LIN7A: variants seen among roughly 807,000 people sequenced by gnomAD.
LIN7A encodes protein lin-7 homolog A.
Under a neutral mutation model 29.8 loss-of-function variants are expected in LIN7A, and 25 were observed. The ratio of observed to expected loss-of-function variants is 0.84; its 90% CI spans 0.61 to 1.17. The LOEUF is 1.17. Among genes scored for constraint, LIN7A ranks in the 50% most tolerant of loss-of-function variants. The pLI, the probability that LIN7A is intolerant of heterozygous loss-of-function variation, is 0.00. For synonymous variants in LIN7A, 118 were observed against 107.5 expected, an observed-to-expected ratio of 1.10 and a Z score of -0.60; for missense variants, 239 against 287.0, an observed-to-expected ratio of 0.83 and a Z score of 1.21.
At chr12:80,907,049 C>A (rs953507368) in intron 1 of LIN7A, among the ~76,000 whole-genome samples, 4 of 72,282 alleles carry the variant, frequency 5.5e-5, no homozygotes, top group Non-Finnish European at 1.6e-4. Flanking sequence ...CCTCAGAGTG[C>A]GTGCTCTGTG....
At chr12:80,888,977 C>T (rs1458770265) in intron 2 of LIN7A, among the ~76,000 whole-genome samples, 1 of 152,078 alleles carries the variant, frequency 6.6e-6, no homozygotes, top group Non-Finnish European at 1.5e-5. Flanking sequence ...CATGTGACCA[C>T]TAAATAGCAT....
intron 2 of LIN7A, among the ~76,000 whole-genome samples, chr12:80,867,468 C>T (rs766312405): frequency 1.2e-4 from 18 of 152,154 alleles, no homozygotes; most frequent in Non-Finnish European, 2.5e-4. Context: ...GGGTATAAAC[C>T]TGAACAAAAT....
At chr12:80,849,977 G>T (rs1164483191) in intron 2 of LIN7A, among the ~76,000 whole-genome samples, 1 of 152,080 alleles carries the variant, frequency 6.6e-6, no homozygotes, top group Non-Finnish European at 1.5e-5. Flanking sequence ...TGCATCCAAG[G>T]ATGTTTATGA....
chr12:80,919,201 T>G (rs1877175807), intron 1 of LIN7A, among the ~76,000 whole-genome samples: 2 of 152,198 alleles, frequency 1.3e-5, no homozygotes, highest in African/African-American at 4.8e-5. Context: ...CAAAAGTGCT[T>G]TCTAAGTCTG....
At chr12:80,914,077 T>G (rs1306749444) in intron 1 of LIN7A, among the ~76,000 whole-genome samples, 1 of 152,156 alleles carries the variant, frequency 6.6e-6, no homozygotes, top group Non-Finnish European at 1.5e-5. Flanking sequence ...TTCCTCATTT[T>G]CACCTCATAT....
intron 4 of LIN7A, among the ~76,000 whole-genome samples, chr12:80,812,068 T>A (rs1871318007): frequency 6.6e-6 from 1 of 152,196 alleles, no homozygotes; most frequent in Non-Finnish European, 1.5e-5. Context: ...TATTAAAATT[T>A]ATTAAGAATC....
At chr12:80,874,192 G>A (rs1295221755) in intron 2 of LIN7A, among the ~76,000 whole-genome samples, 6 of 152,170 alleles carry the variant, frequency 3.9e-5, no homozygotes, top group African/African-American at 1.2e-4. Context: ...ACATGTCACA[G>A]ATTTCTTTTC....
intron 1 of LIN7A, among the ~76,000 whole-genome samples, chr12:80,896,251 T>C (rs1450439237): frequency 1.3e-5 from 2 of 152,124 alleles, no homozygotes; most frequent in African/African-American, 4.8e-5. Context: ...AGCCTACATG[T>C]GGAAGGTCAG....
intron 1 of LIN7A, among the ~76,000 whole-genome samples, chr12:80,921,890 C>A (rs1286029702): frequency 1.3e-5 from 2 of 152,212 alleles, no homozygotes; most frequent in East Asian, 3.8e-4. Flanking sequence ...ATCTGTCAAA[C>A]TCAGCTAAGT....
chr12:80,894,330 A>G (rs1009270919), intron 1 of LIN7A, among the ~76,000 whole-genome samples: 1 of 152,146 alleles, frequency 6.6e-6, no homozygotes, highest in Non-Finnish European at 1.5e-5. Flanking sequence ...GCACAAGGAA[A>G]GCAAGAAGGA....
chr12:80,886,259 A>G (rs1875320816), intron 2 of LIN7A, among the ~76,000 whole-genome samples: 1 of 151,870 alleles, frequency 6.6e-6, no homozygotes, highest in Admixed American at 6.6e-5. Flanking sequence ...AAGAGGAAGT[A>G]TTCTAGGCTC....
intron 2 of LIN7A, among the ~76,000 whole-genome samples, chr12:80,882,361 T>G (rs1592921987): frequency 7.7e-6 from 1 of 130,684 alleles, no homozygotes; most frequent in Admixed American, 7.9e-5. Flanking sequence ...CTCGGCTCAC[T>G]GCAAGCTCCG....
At chr12:80,811,411 G>A (rs1188880063) in intron 5 of LIN7A, 54 bp downstream of exon 5, 2 of 685,170 alleles carry the variant, frequency 2.9e-6, no homozygotes, top group Non-Finnish European at 5.3e-6. Context: ...ATACATATAT[G>A]TGTGTGTGTA....
chr12:80,840,852 T>C (rs1393170727), intron 4 of LIN7A, among the ~76,000 whole-genome samples: 2 of 152,206 alleles, frequency 1.3e-5, no homozygotes, highest in Admixed American at 6.5e-5. Context: ...GGTACTCATA[T>C]TTTGAAATAC....
intron 1 of LIN7A, among the ~76,000 whole-genome samples, chr12:80,918,406 C>G (rs1877129371): frequency 6.6e-6 from 1 of 151,962 alleles, no homozygotes; most frequent in East Asian, 1.9e-4. Context: ...ATATTTAGAT[C>G]CCAAACTAGG....
In LIN7A at chr12:80,841,269, C is replaced by T. The variant is rs568652641; in HGVS notation, c.483+4461G>A. Among the ~76,000 whole-genome samples the T allele has an allele frequency of 1.4e-5, 2 of 146,308 alleles. 1 individual carries two copies. Among genetic ancestry groups the T allele is most frequent in the African/African-American group, 5.1e-5 (2 of 39,442 alleles). Reference sequence around the variant, plus strand: ...TCATACCACTGCACTCCAGCCTGGGCGACAGAGTGAGACCATGAGAAAGAA... The same window carrying T: ...TCATACCACTGCACTCCAGCCTGGGTGACAGAGTGAGACCATGAGAAAGAA... On this transcript the variant is annotated intron_variant, in intron 4 of 5. Coordinates refer to ENST00000552864, the MANE Select transcript of LIN7A (RefSeq NM_004664.4).
intron 1 of LIN7A, among the ~76,000 whole-genome samples, chr12:80,891,457 A>G (rs1163683): frequency 0.68 from 103,500 of 152,078 alleles, 39,170 homozygotes; most frequent in Non-Finnish European, 0.87. Flanking sequence ...GCTATTTCTA[A>G]GACATGCCAC....
intron 2 of LIN7A, among the ~76,000 whole-genome samples, chr12:80,854,686 T>C (rs1426390413): frequency 6.6e-6 from 1 of 152,080 alleles, no homozygotes; most frequent in African/African-American, 2.4e-5. Context: ...AATGATTACA[T>C]GATTGTATGT....
At chr12:80,905,285 G>A (rs1027572511) in intron 1 of LIN7A, among the ~76,000 whole-genome samples, 7 of 151,824 alleles carry the variant, frequency 4.6e-5, no homozygotes, top group South Asian at 2.1e-4. Flanking sequence ...CGCCTCCCAC[G>A]TTCAAGCAAT....
Sources: allele counts gnomAD v4.1 joint callset (sites outside exome capture counted in the v4.1 genomes callset), GRCh38; gene constraint gnomAD v4.1.1; transcripts MANE v1.5; gene names NCBI Gene and HGNC (gene_info 2026-07-23, HGNC 2026-07-21).